PMEPA1: variants seen among roughly 807,000 people sequenced by gnomAD.
PMEPA1 encodes protein TMEPAI.
PMEPA1 carries 11 observed loss-of-function variants against 23.0 expected under a neutral mutation model. The observed-to-expected ratio is 0.48, with a 90% CI of 0.30 to 0.79. The LOEUF (loss-of-function observed/expected upper bound fraction) is 0.79, where lower values mean the gene tolerates loss of function less well. PMEPA1 is among the 30% of genes least tolerant of loss of function. PMEPA1 has a pLI of 0.06. For synonymous variants in PMEPA1, 204 were observed against 166.4 expected (o/e 1.23, Z -1.74); for missense variants, 377 against 390.9 (o/e 0.96, Z 0.30).
intron 1 of PMEPA1, among the ~76,000 whole-genome samples, chr20:57,673,685 T>C (rs1036923874): frequency 6.6e-6 from 1 of 152,184 alleles, no homozygotes; most frequent in Non-Finnish European, 1.5e-5. Context: ...TGTCCCATCA[T>C]GAGTGTCCCT....
chr20:57,650,907 G>C lies in PMEPA1; in HGVS notation c.*1146C>G, dbSNP rs557267392. The C allele has an allele frequency of 6.6e-6, 1 of 152,328 alleles. No individual in the cohort carries two copies. The highest frequency in any genetic ancestry group is 2.4e-5 in the African/African-American group (1 of 41,560). 9.4% of individuals were successfully genotyped at this position (152,328 alleles called of 1,614,324 possible). ...TTCACCGGTGAACCTTTAGCCAGCT[G>C]AACAACCACCAAAGCGCCCTGCAGA... On this transcript the variant is annotated 3_prime_UTR_variant, in exon 4 of 4. Coordinates refer to ENST00000341744, the MANE Select transcript of PMEPA1 (RefSeq NM_020182.5).
intron 1 of PMEPA1, among the ~76,000 whole-genome samples, chr20:57,691,158 C>T (rs1260071676): frequency 1.3e-5 from 2 of 152,310 alleles, no homozygotes; most frequent in African/African-American, 4.8e-5. Context: ...AAACACTAGG[C>T]CCACCACACA....
chr20:57,663,459 C>G (rs750237160), intron 1 of PMEPA1, among the ~76,000 whole-genome samples: 1 of 152,084 alleles, frequency 6.6e-6, no homozygotes, highest in African/African-American at 2.4e-5. Context: ...GCAGGATGTG[C>G]GGGGGACATG....
chr20:57,685,300 A>T (rs898847148), intron 1 of PMEPA1, among the ~76,000 whole-genome samples: 1 of 152,192 alleles, frequency 6.6e-6, no homozygotes, highest in East Asian at 1.9e-4. Flanking sequence ...GGCTAGGAGG[A>T]GGCCGGGGAG....
chr20:57,672,198 C>T (rs1025008362), intron 1 of PMEPA1, among the ~76,000 whole-genome samples: 14 of 152,274 alleles, frequency 9.2e-5, no homozygotes, highest in African/African-American at 3.1e-4. Context: ...GACTCTCGCA[C>T]GCGCACGTGT....
chr20:57,684,580 G>A (rs985596420), intron 1 of PMEPA1, among the ~76,000 whole-genome samples: 4 of 152,210 alleles, frequency 2.6e-5, no homozygotes, highest in Non-Finnish European at 5.9e-5. Flanking sequence ...CGGGTGATGG[G>A]TGATTGGGGG....
In PMEPA1 at chr20:57,683,554, C is replaced by CGTGCGTGTGTGTGT. The variant is rs2071752507; in HGVS notation, c.110-23858_110-23857insACACACACACGCAC. Among the ~76,000 whole-genome samples the CGTGCGTGTGTGTGT allele has an allele frequency of 9.4e-6, 1 of 106,310 alleles. No homozygotes were observed. Among genetic ancestry groups the CGTGCGTGTGTGTGT allele is most frequent in the South Asian group, 2.8e-4 (1 of 3,632 alleles). The allele number at this position is 106,310 out of a possible 152,430, so 69.7% of individuals were successfully genotyped here. On this transcript the variant is annotated intron_variant, in intron 1 of 3. Coordinates refer to ENST00000341744, the MANE Select transcript of PMEPA1 (RefSeq NM_020182.5). This position sits in a 1 kb window ranked among gnomAD's most constrained non-coding sequence, Gnocchi z 4.3. ...CGGTGGTGGTGTTCTGGCCTGTGTGCGTGTGTGTGTGTGTGTGTGTGTGTG... is the reference window on the plus strand; with the variant it reads ...CGGTGGTGGTGTTCTGGCCTGTGTGCGTGCGTGTGTGTGTGTGTGTGTGTGTGTGTGTGTGTGTG...
chr20:57,666,319 G>C (rs959359703), intron 1 of PMEPA1, among the ~76,000 whole-genome samples: 3 of 152,052 alleles, frequency 2.0e-5, no homozygotes, highest in African/African-American at 7.2e-5. Context: ...ACCGTGAGCA[G>C]GCCACTCCCT....
chr20:57,685,142 C>T (rs974626089), intron 1 of PMEPA1, among the ~76,000 whole-genome samples: 1 of 151,390 alleles, frequency 6.6e-6, no homozygotes, highest in African/African-American at 2.4e-5. Flanking sequence ...ATCTGCAGAA[C>T]GTCTAGACAG....
chr20:57,678,427 C>T (rs1015003957), intron 1 of PMEPA1, among the ~76,000 whole-genome samples: 4 of 152,234 alleles, frequency 2.6e-5, no homozygotes, highest in Non-Finnish European at 5.9e-5. Context: ...TCACCAGAAT[C>T]GCCCTGGCAG....
At chr20:57,661,054 T>C (rs1216023221) in intron 1 of PMEPA1, among the ~76,000 whole-genome samples, 1 of 152,148 alleles carries the variant, frequency 6.6e-6, no homozygotes, top group Non-Finnish European at 1.5e-5. Flanking sequence ...AGGACCCTCC[T>C]CTTGGTGAAA....
chr20:57,692,754 A>G (rs1298629661), intron 1 of PMEPA1, among the ~76,000 whole-genome samples: 1 of 151,958 alleles, frequency 6.6e-6, no homozygotes, highest in Non-Finnish European at 1.5e-5. Context: ...TTGCCTGGAT[A>G]CTCTTCATTG....
At chr20:57,674,354 C>T (rs2071608220) in intron 1 of PMEPA1, among the ~76,000 whole-genome samples, 1 of 152,234 alleles carries the variant, frequency 6.6e-6, no homozygotes, top group Admixed American at 6.5e-5. Context: ...GCAGTTCTCA[C>T]CAGAACCCAA....
At position 57,704,743 on chromosome 20, in the gene PMEPA1, G is replaced by A. The variant is rs1435312075; in HGVS notation, c.109+4731C>T. ...CGGACTATAAACGTTTAAACCCCCT[G>A]GCCCTGGGCCACGATGGGAGTGGAG... On this transcript the variant is annotated intron_variant, in intron 1 of 3. Coordinates refer to ENST00000341744, the MANE Select transcript of PMEPA1 (RefSeq NM_020182.5). This position sits in a 1 kb window ranked among gnomAD's most constrained non-coding sequence, Gnocchi z 4.6. 6.6e-6 allele frequency among the ~76,000 whole-genome samples: 1 copy of A among 152,194 alleles called. No homozygotes were observed. Among genetic ancestry groups the A allele is most frequent in the Non-Finnish European group, 1.5e-5 (1 of 68,044 alleles).
rs1330249683 is a variant in PMEPA1 at position 57,704,386 on chromosome 20, G to GAGT, written c.109+5085_109+5087dup. 6.6e-6 allele frequency among the ~76,000 whole-genome samples: 1 copy of GAGT among 152,148 alleles called. No individual in the cohort carries two copies. The highest frequency in any genetic ancestry group is 1.9e-4 in the East Asian group (1 of 5,194). ...CTTGTCACTCCAGAGGGTGCATGAA[G>GAGT]AGTAGGTCCGTCTCCCGCACAGCTC... On this transcript the variant is annotated intron_variant, in intron 1 of 3. Coordinates refer to ENST00000341744, the MANE Select transcript of PMEPA1 (RefSeq NM_020182.5). The surrounding 1 kb of genome is among the most constrained non-coding windows in gnomAD (Gnocchi z 4.6).
chr20:57,672,036 G>A (rs761172976), intron 1 of PMEPA1, among the ~76,000 whole-genome samples: 1 of 152,178 alleles, frequency 6.6e-6, no homozygotes, highest in Admixed American at 6.5e-5. Flanking sequence ...CATTTTTATA[G>A]CAAAAATGAG....
chr20:57,664,715 C>T (rs375108052), intron 1 of PMEPA1, among the ~76,000 whole-genome samples: 2 of 152,184 alleles, frequency 1.3e-5, no homozygotes, highest in African/African-American at 2.4e-5. Flanking sequence ...AGGCCCAGCG[C>T]GGCCGCATCC....
rs759403857 is a variant in PMEPA1 at position 57,652,317 on chromosome 20, G to C, written c.600C>G (p.Ala200=). The change falls in exon 4 of 4, where the codon GCC becomes GCG. Residue 200 remains alanine (A), a synonymous_variant. Transcript: ENST00000341744. The surrounding 1 kb of genome is among the most constrained non-coding windows in gnomAD (Gnocchi z 6.1). The part of the protein sequence containing the change: ...TIFDSDLMDS[A]RLGGPCPPSS... ...TGGGGGGGCAGGGGCCGCCCAGCCT[G>C]GCACTATCCATCAGGTCACTGTCGA... 1.9e-6 allele frequency: 3 copies of C among 1,611,952 alleles called. No homozygotes were observed. In the East Asian group the frequency reaches 6.7e-5, roughly 36 times the overall value.
rs2071746506 is a variant in PMEPA1, at chr20:57,683,348, T to C, written c.110-23651A>G. On this transcript the variant is annotated intron_variant, in intron 1 of 3. Transcript: ENST00000341744. The surrounding 1 kb of genome is among the most constrained non-coding windows in gnomAD (Gnocchi z 4.3). Reference sequence around the variant, plus strand: ...CTCTATGCCATGCTGGCCTGGTGACTTGGGTTAATATAATCATTTTCCTTT... The same window carrying C: ...CTCTATGCCATGCTGGCCTGGTGACCTGGGTTAATATAATCATTTTCCTTT... Among the ~76,000 whole-genome samples, 1 of 152,178 alleles carries C rather than the reference T, an allele frequency of 6.6e-6. No individual in the cohort carries two copies. The highest frequency in any genetic ancestry group is 1.5e-5 in the Non-Finnish European group (1 of 68,032).
Sources: gnomAD v4.1 joint callset for allele counts (sites outside exome capture counted in the v4.1 genomes callset) on GRCh38, gnomAD v4.1.1 for gene constraint, Gnocchi (gnomAD v3.1) non-coding constraint, MANE v1.5 for transcripts, NCBI Gene and HGNC (gene_info 2026-07-23, HGNC 2026-07-21) for gene names.